Variants in CMKLR1 observed in about 807,000 individuals in gnomAD.
CMKLR1 encodes chemerin-like receptor 1.
In CMKLR1, 6 loss-of-function variants were observed where a neutral mutation model predicts 8.2. The ratio of observed to expected loss-of-function variants is 0.73; its 90% CI spans 0.40 to 1.44. The LOEUF (loss-of-function observed/expected upper bound fraction) is 1.44. CMKLR1 is among the 40% of genes most tolerant of loss of function. The probability of loss-of-function intolerance (pLI) is 0.02; values close to 1 mark genes in which losing one functional copy is unlikely to be tolerated. For synonymous variants in CMKLR1, 178 were observed against 181.2 expected (o/e 0.98, Z 0.14); for missense variants, 429 against 478.0 (o/e 0.90, Z 0.96).
chr12:108,313,510 A>G (rs552830950), intron 2 of CMKLR1, among the ~76,000 whole-genome samples: 1 of 152,000 alleles, frequency 6.6e-6, no homozygotes, highest in South Asian at 2.1e-4. Context: ...TAAATCACAG[A>G]CTCCTCGTCT....
chr12:108,302,981 A>G (rs1891317163), intron 2 of CMKLR1, among the ~76,000 whole-genome samples: 1 of 152,176 alleles, frequency 6.6e-6, no homozygotes, highest in Non-Finnish European at 1.5e-5. Flanking sequence ...CCTGAGGTCC[A>G]GGAAACCCCA....
chr12:108,326,661 A>C (rs972451337), intron 2 of CMKLR1, among the ~76,000 whole-genome samples: 5 of 152,184 alleles, frequency 3.3e-5, no homozygotes, highest in African/African-American at 9.6e-5. Context: ...AGCCTGGGCG[A>C]TGTGGCCTTG....
rs140751727 is a variant in CMKLR1, at chr12:108,289,513, T to C, written c.*2328A>G. 5 of 152,288 alleles carry C rather than the reference T, an allele frequency of 3.3e-5. No individual in the cohort carries two copies. The highest frequency in any genetic ancestry group is 1.2e-4 in the African/African-American group (5 of 41,572). The allele number at this position is 152,288 out of a possible 1,614,324, so 9.4% of individuals were successfully genotyped here. On this transcript the variant is annotated 3_prime_UTR_variant, in exon 4 of 4. Coordinates refer to ENST00000550402, the MANE Select transcript of CMKLR1 (RefSeq NM_001142343.2). ...TGCTCCTGTTTATCAGCTTTTCCAATGACAACATGAATTCCTGGCTCCCCC... is the reference window on the plus strand; with the variant it reads ...TGCTCCTGTTTATCAGCTTTTCCAACGACAACATGAATTCCTGGCTCCCCC...
chr12:108,304,691 C>A (rs946060308), intron 2 of CMKLR1, among the ~76,000 whole-genome samples: 1 of 152,178 alleles, frequency 6.6e-6, no homozygotes, highest in African/African-American at 2.4e-5. Flanking sequence ...TCTCTCTTCC[C>A]ATGTTTTCTC....
At chr12:108,307,013 T>C (rs1472554997) in intron 2 of CMKLR1, among the ~76,000 whole-genome samples, 7 of 152,018 alleles carry the variant, frequency 4.6e-5, no homozygotes, top group Admixed American at 4.6e-4. Context: ...AGCTTGTGCC[T>C]CTCCCCATAA....
intron 2 of CMKLR1, among the ~76,000 whole-genome samples, chr12:108,326,688 C>G (rs1338218121): frequency 6.6e-6 from 1 of 152,160 alleles, no homozygotes; most frequent in Admixed American, 6.5e-5. Flanking sequence ...CAGCTGATGT[C>G]TTTGAGCCTC....
intron 2 of CMKLR1, among the ~76,000 whole-genome samples, chr12:108,303,832 T>A (rs1036257374): frequency 4.6e-5 from 7 of 152,212 alleles, no homozygotes; most frequent in Non-Finnish European, 1.0e-4. Context: ...ATGCCTCCAA[T>A]CTCGGTTACA....
At chr12:108,323,915 G>T (rs985625722) in intron 2 of CMKLR1, among the ~76,000 whole-genome samples, 2 of 152,200 alleles carry the variant, frequency 1.3e-5, no homozygotes, top group Non-Finnish European at 2.9e-5. Flanking sequence ...GAATAGGCTG[G>T]CCCCACAGCC....
chr12:108,308,579 C>T (rs1382893788), intron 2 of CMKLR1, among the ~76,000 whole-genome samples: 2 of 152,188 alleles, frequency 1.3e-5, no homozygotes, highest in Non-Finnish European at 2.9e-5. Flanking sequence ...GTGTGCTCAG[C>T]ATGGGTCCAG....
rs959141826 is a variant in CMKLR1 at position 108,300,927 on chromosome 12, G to A, written c.-73-7263C>T. Reference sequence around the variant, plus strand: ...CTACAGGGTCGGGACACAATTATACGCATTTTCAGACAGGGAGGGACACAG... The same window carrying A: ...CTACAGGGTCGGGACACAATTATACACATTTTCAGACAGGGAGGGACACAG... On this transcript the variant is annotated intron_variant, in intron 2 of 3. Coordinates refer to ENST00000550402, the MANE Select transcript of CMKLR1 (RefSeq NM_001142343.2). 2.0e-5 allele frequency among the ~76,000 whole-genome samples: 3 copies of A among 152,110 alleles called. 1 individual carries two copies. The highest frequency in any genetic ancestry group is 1.3e-4 in the Admixed American group (2 of 15,282).
chr12:108,293,739 C>T, intron 2 of CMKLR1, 75 bp from the exon 3 acceptor site: 3 of 763,180 alleles, frequency 3.9e-6, no homozygotes, highest in Non-Finnish European at 6.4e-6. Flanking sequence ...GTGGACCCAG[C>T]CAGAAATAAG....
intron 2 of CMKLR1, among the ~76,000 whole-genome samples, chr12:108,316,529 T>C (rs1280463370): frequency 1.3e-5 from 2 of 151,572 alleles, no homozygotes; most frequent in Non-Finnish European, 1.5e-5. Flanking sequence ...GTGAAGAAAG[T>C]CCCCAGGAAG....
rs1890874992 is a variant in CMKLR1 at position 108,288,850 on chromosome 12, G to A, written c.*2991C>T. 2 of 152,068 alleles carry A rather than the reference G, an allele frequency of 1.3e-5. No homozygotes were observed. Among genetic ancestry groups the A allele is most frequent in the Admixed American group, 6.5e-5 (1 of 15,270 alleles). 9.4% of individuals were successfully genotyped at this position (152,068 alleles called of 1,614,324 possible). A position where few individuals can be genotyped will look rare whatever the true frequency, so the allele number is the denominator to read the frequency against. On this transcript the variant is annotated 3_prime_UTR_variant, in exon 4 of 4. Coordinates refer to ENST00000550402, the MANE Select transcript of CMKLR1 (RefSeq NM_001142343.2). ...TCCTTCCAAGGGCTGAAGAAGTTGGGCATTCAGGCAGCTGACCTGATTCAA... is the reference window on the plus strand; with the variant it reads ...TCCTTCCAAGGGCTGAAGAAGTTGGACATTCAGGCAGCTGACCTGATTCAA...
intron 2 of CMKLR1, among the ~76,000 whole-genome samples, chr12:108,329,688 C>T (rs75504214): frequency 0.025 from 3,855 of 152,300 alleles, 450 homozygotes; most frequent in Admixed American, 0.2. Context: ...TTAAAGCCAA[C>T]CTTCTGGCTA....
At chr12:108,321,872 T>C (rs926019126) in intron 2 of CMKLR1, among the ~76,000 whole-genome samples, 1 of 152,320 alleles carries the variant, frequency 6.6e-6, no homozygotes. Flanking sequence ...AAATCTCATG[T>C]TGAAATCTGA....
At chr12:108,303,742 C>G (rs997823748) in intron 2 of CMKLR1, among the ~76,000 whole-genome samples, 1 of 152,148 alleles carries the variant, frequency 6.6e-6, no homozygotes, top group Admixed American at 6.5e-5. Flanking sequence ...ATTTTACAGA[C>G]GGAGCAAGGC....
chr12:108,328,757 C>T (rs956180987), intron 2 of CMKLR1, among the ~76,000 whole-genome samples: 4 of 152,148 alleles, frequency 2.6e-5, no homozygotes, highest in Admixed American at 2.6e-4. Context: ...GCTAGGAGGC[C>T]GGGGGGCCCT....
intron 2 of CMKLR1, among the ~76,000 whole-genome samples, chr12:108,317,101 C>T (rs555178259): frequency 1.2e-4 from 18 of 152,314 alleles, no homozygotes; most frequent in Non-Finnish European, 1.8e-4. Context: ...CTGTACCCAG[C>T]CTCAATGTCA....
chr12:108,319,464 G>A (rs1430999544), intron 2 of CMKLR1, among the ~76,000 whole-genome samples: 1 of 152,194 alleles, frequency 6.6e-6, no homozygotes, highest in Non-Finnish European at 1.5e-5. Context: ...GACCACCTGA[G>A]TTCAGAGCCA....
Sources: gnomAD v4.1 joint callset for allele counts (sites outside exome capture counted in the v4.1 genomes callset) on GRCh38, gnomAD v4.1.1 for gene constraint, MANE v1.5 for transcripts, NCBI Gene and HGNC (gene_info 2026-07-23, HGNC 2026-07-21) for gene names.